ERP44: variants seen among roughly 807,000 people sequenced by gnomAD.
ERP44 encodes endoplasmic reticulum protein 44, also known as endoplasmic reticulum resident protein 44.
ERP44 carries 25 observed loss-of-function variants against 53.4 expected under a neutral mutation model. The ratio of observed to expected loss-of-function variants is 0.47; its 90% CI spans 0.34 to 0.65. ERP44 has a LOEUF of 0.65. Ranked by LOEUF, ERP44 falls within the 30% of genes least tolerant of loss-of-function variation. The pLI, the probability that ERP44 is intolerant of heterozygous loss-of-function variation, is 0.01. For synonymous variants in ERP44, 145 were observed against 161.2 expected (o/e 0.90, Z 0.76); for missense variants, 338 against 493.2 (o/e 0.69, Z 2.98).
intron 1 of ERP44, among the ~76,000 whole-genome samples, chr9:100,079,794 G>T (rs999265649): frequency 6.6e-6 from 1 of 151,904 alleles, no homozygotes; most frequent in African/African-American, 2.4e-5. Flanking sequence ...AATTAACTGG[G>T]CATAGTGGTG....
At chr9:100,074,893 G>T (rs1826339702) in intron 1 of ERP44, among the ~76,000 whole-genome samples, 1 of 152,176 alleles carries the variant, frequency 6.6e-6, no homozygotes, top group South Asian at 2.1e-4. Flanking sequence ...GACTCATCCT[G>T]TGGTCATTTT....
intron 10 of ERP44, among the ~76,000 whole-genome samples, chr9:99,993,301 TA>T (rs1587955753): frequency 6.6e-6 from 1 of 152,298 alleles, no homozygotes; most frequent in South Asian, 2.1e-4. Context: ...ATGGTACTGG[TA>T]CCAAAACAGA....
chr9:100,032,131 C>G (rs1825798551), intron 4 of ERP44, among the ~76,000 whole-genome samples: 2 of 151,892 alleles, frequency 1.3e-5, no homozygotes, highest in African/African-American at 2.4e-5. Flanking sequence ...TTTTTGGGAT[C>G]CAGGATCTGG....
At chr9:100,074,582 G>C (rs1213984800) in intron 1 of ERP44, among the ~76,000 whole-genome samples, 1 of 152,136 alleles carries the variant, frequency 6.6e-6, no homozygotes, top group Non-Finnish European at 1.5e-5. Context: ...CTTGAATGAA[G>C]GGGAGGCTGA....
At chr9:100,094,518 C>T (rs1349524821) in intron 1 of ERP44, among the ~76,000 whole-genome samples, 1 of 151,966 alleles carries the variant, frequency 6.6e-6, no homozygotes. Context: ...ATTAGCCAGG[C>T]ACAGTGGCAA....
intron 10 of ERP44, among the ~76,000 whole-genome samples, chr9:99,986,175 C>T (rs1308628909): frequency 6.6e-6 from 1 of 152,162 alleles, no homozygotes; most frequent in Non-Finnish European, 1.5e-5. Context: ...GAGCTTTTGA[C>T]CAAGTGTGAG....
At chr9:100,093,685 T>C (rs775372809) in intron 1 of ERP44, among the ~76,000 whole-genome samples, 20 of 152,072 alleles carry the variant, frequency 1.3e-4, no homozygotes, top group Non-Finnish European at 2.6e-4. Flanking sequence ...TGTGTCTATA[T>C]AGTCTAGAAA....
chr9:100,020,875 C>A, intron 5 of ERP44, 144 bp from the exon 6 acceptor site: 1 of 540,566 alleles, frequency 1.8e-6, no homozygotes, highest in Non-Finnish European at 3.3e-6. Context: ...TAGTTTTTAA[C>A]ACCTAGTCCA....
chr9:100,056,672 G>A (rs1335573284), intron 3 of ERP44, among the ~76,000 whole-genome samples: 2 of 151,950 alleles, frequency 1.3e-5, no homozygotes, highest in African/African-American at 4.9e-5. Context: ...TGAAAGATTA[G>A]AACTTAACTA....
At position 100,022,988 on chromosome 9, in the gene ERP44, C is replaced by T. The variant is rs190467651; in HGVS notation, c.287-762G>A. Among the ~76,000 whole-genome samples the T allele has an allele frequency of 5.5e-4, 83 of 152,152 alleles. 1 individual carries two copies. The highest frequency in any genetic ancestry group is 4.8e-3 in the Admixed American group (73 of 15,278). On this transcript the variant is annotated intron_variant, in intron 4 of 11. Coordinates refer to ENST00000262455, the MANE Select transcript of ERP44 (RefSeq NM_015051.3). ...ACAGAAGACAAATATGAATAAACAA[C>T]GGGAACAACTGGTCATACTGAGATT...
intron 1 of ERP44, among the ~76,000 whole-genome samples, chr9:100,067,927 C>T (rs960007896): frequency 6.6e-5 from 10 of 151,562 alleles, no homozygotes; most frequent in African/African-American, 1.9e-4. Context: ...GCAACCACCC[C>T]GTCTGGGAAG....
chr9:100,020,927 A>G (rs543537255), intron 5 of ERP44, among the ~76,000 whole-genome samples, 196 bp from the exon 6 acceptor site: 4 of 152,376 alleles, frequency 2.6e-5, no homozygotes, highest in South Asian at 2.1e-4. Context: ...AATCTTAACT[A>G]TAATAAATAC....
intron 6 of ERP44, among the ~76,000 whole-genome samples, chr9:100,020,268 A>G (rs919038371): frequency 1.3e-5 from 2 of 152,212 alleles, no homozygotes; most frequent in African/African-American, 4.8e-5. Flanking sequence ...GCTTCTTAAC[A>G]AGAAAGACAG....
intron 8 of ERP44, 91 bp from the exon 9 acceptor site, chr9:100,007,780 T>C: frequency 1.3e-6 from 1 of 753,484 alleles, no homozygotes; most frequent in South Asian, 1.5e-5. Context: ...ACCCAACCCA[T>C]GTAATGCAAT....
intron 10 of ERP44, among the ~76,000 whole-genome samples, chr9:99,992,704 T>C (rs1446011007): frequency 6.6e-6 from 1 of 152,118 alleles, no homozygotes; most frequent in Non-Finnish European, 1.5e-5. Context: ...GGGTATTCAA[T>C]TAGGAAAAGA....
intron 1 of ERP44, among the ~76,000 whole-genome samples, chr9:100,083,062 A>C (rs535153133): frequency 2.1e-4 from 32 of 152,164 alleles, no homozygotes; most frequent in African/African-American, 7.5e-4. Context: ...AAATAATAGA[A>C]AGAATGAATA....
intron 8 of ERP44, among the ~76,000 whole-genome samples, chr9:100,011,842 T>C (rs546524088): frequency 1.3e-5 from 2 of 152,300 alleles, no homozygotes; most frequent in South Asian, 2.1e-4. Context: ...CAAGCTGTCA[T>C]ATAGAAATAA....
chr9:100,001,273 C>T lies in ERP44; in HGVS notation c.1016+5233G>A, dbSNP rs934163033. On this transcript the variant is annotated intron_variant, in intron 10 of 11. Transcript: ENST00000262455. Reference sequence around the variant, plus strand: ...GTTTGTGGCCTAACATATGATCTATCCTGAAGAATGTTCCATGGGCACTTG... The same window carrying T: ...GTTTGTGGCCTAACATATGATCTATTCTGAAGAATGTTCCATGGGCACTTG... Among the ~76,000 whole-genome samples the T allele has an allele frequency of 9.2e-5, 14 of 152,054 alleles. 1 individual carries two copies. Among genetic ancestry groups the T allele is most frequent in the Admixed American group, 9.2e-4 (14 of 15,276 alleles).
At chr9:100,007,084 T>C (rs928874057) in intron 9 of ERP44, among the ~76,000 whole-genome samples, 1 of 152,252 alleles carries the variant, frequency 6.6e-6, no homozygotes, top group Non-Finnish European at 1.5e-5. Flanking sequence ...GGCAGCTCTA[T>C]AGAGTACCTT....
Sources: allele counts gnomAD v4.1 joint callset (sites outside exome capture counted in the v4.1 genomes callset), GRCh38; gene constraint gnomAD v4.1.1; transcripts MANE v1.5; gene names NCBI Gene and HGNC (gene_info 2026-07-23, HGNC 2026-07-21).